ARSB: variants seen among roughly 807,000 people sequenced by gnomAD.
ARSB encodes N-acetylgalactosamine-4-sulfatase.
ARSB carries 41 observed loss-of-function variants against 50.9 expected under a neutral mutation model. The observed-to-expected ratio is 0.81, with a 90% CI of 0.63 to 1.04. ARSB has a LOEUF of 1.04. ARSB is among the 50% of genes least tolerant of loss of function. ARSB has a pLI of 0.00. For synonymous variants in ARSB, 269 were observed against 284.8 expected, an observed-to-expected ratio of 0.94 and a Z score of 0.56; for missense variants, 672 against 693.3, an observed-to-expected ratio of 0.97 and a Z score of 0.35.
intron 4 of ARSB, among the ~76,000 whole-genome samples, chr5:78,939,126 C>T (rs540733466): frequency 1.5e-4 from 23 of 152,306 alleles, no homozygotes; most frequent in African/African-American, 5.5e-4. Flanking sequence ...TTCACTCTTT[C>T]CAGCTCTTTG....
intron 4 of ARSB, among the ~76,000 whole-genome samples, chr5:78,896,464 C>T (rs1748564151): frequency 6.6e-6 from 1 of 152,142 alleles, no homozygotes; most frequent in Non-Finnish European, 1.5e-5. Context: ...GTACTGCGTT[C>T]AGTGACAGGG....
chr5:78,860,454 A>T (rs915822782), intron 5 of ARSB, among the ~76,000 whole-genome samples: 1 of 152,162 alleles, frequency 6.6e-6, no homozygotes, highest in Non-Finnish European at 1.5e-5. Flanking sequence ...GGATTAAGAA[A>T]CTCACTCAAA....
chr5:78,864,520 TGA>T (rs1476680758), intron 5 of ARSB, among the ~76,000 whole-genome samples: 1 of 152,172 alleles, frequency 6.6e-6, no homozygotes, highest in African/African-American at 2.4e-5. Flanking sequence ...CAGTTCCAGA[TGA>T]GATCTGGTGG....
intron 5 of ARSB, among the ~76,000 whole-genome samples, chr5:78,841,156 C>CTAATAATAATAATAATAATAA (rs1491427657): frequency 1.7e-4 from 17 of 102,868 alleles, no homozygotes; most frequent in Admixed American, 3.3e-4. Flanking sequence ...ACTACTACTA[C>CTAATAATAATAATAATAATAA]TACTACTACT....
intron 6 of ARSB, among the ~76,000 whole-genome samples, chr5:78,794,015 C>T (rs961243515): frequency 6.6e-6 from 1 of 152,156 alleles, no homozygotes; most frequent in South Asian, 2.1e-4. Flanking sequence ...CTGTAGAGCC[C>T]GTACATTTAG....
chr5:78,903,152 G>A lies in ARSB; in HGVS notation c.899-17325C>T, dbSNP rs150511359. On this transcript the variant is annotated intron_variant, in intron 4 of 7. Coordinates refer to ENST00000264914, the MANE Select transcript of ARSB (RefSeq NM_000046.5). ...AAAATGATGATGTAACTTCAGAGGG[G>A]GAATAAGCAGTGGGAGAAAGTACAG... 8.6e-4 allele frequency among the ~76,000 whole-genome samples: 131 copies of A among 152,234 alleles called. 1 individual carries two copies. The East Asian group carries it at 0.022, about 26-fold the overall frequency.
rs1325733971 is a variant in ARSB at position 78,849,952 on chromosome 5, A to G, written c.1143-10526T>C. Among the ~76,000 whole-genome samples the G allele has an allele frequency of 2.0e-5, 3 of 151,540 alleles. No homozygotes were observed. The Admixed American group carries it at 2.0e-4, about 10-fold the overall frequency. The stretch of plus-strand genomic sequence containing the variant: ...GCTGAAGTTGCTTATCAGCTTAAGG[A>G]GATTTGGGGCTGAGACGATGGGGTT... On this transcript the variant is annotated intron_variant, in intron 5 of 7. Transcript: ENST00000264914.
At chr5:78,936,294 T>C (rs1201930407) in intron 4 of ARSB, among the ~76,000 whole-genome samples, 1 of 151,258 alleles carries the variant, frequency 6.6e-6, no homozygotes, top group South Asian at 2.1e-4. Context: ...TGGGTTATTT[T>C]TGTATTTTTA....
chr5:78,783,574 A>G (rs1194960739), intron 6 of ARSB: 2 of 152,122 alleles, frequency 1.3e-5, no homozygotes, highest in African/African-American at 2.4e-5. Context: ...ATACAAATGG[A>G]TACTTCTAGT....
At chr5:78,849,559 G>T (rs1392860992) in intron 5 of ARSB, among the ~76,000 whole-genome samples, 1 of 151,864 alleles carries the variant, frequency 6.6e-6, no homozygotes, top group Non-Finnish European at 1.5e-5. Context: ...GCTCTTTTTT[G>T]GTTCCATATG....
chr5:78,879,598 C>T (rs1291040978), intron 5 of ARSB, among the ~76,000 whole-genome samples: 1 of 152,220 alleles, frequency 6.6e-6, no homozygotes, highest in South Asian at 2.1e-4. Context: ...CAAAAACTAC[C>T]ATCATCTCGA....
intron 1 of ARSB, among the ~76,000 whole-genome samples, chr5:78,975,778 T>C (rs1422635168): frequency 6.6e-6 from 1 of 152,236 alleles, no homozygotes; most frequent in Non-Finnish European, 1.5e-5. Flanking sequence ...TGTGTAAAAG[T>C]GCTTCTCACA....
At chr5:78,807,350 T>A (rs1743603395) in intron 6 of ARSB, among the ~76,000 whole-genome samples, 1 of 152,236 alleles carries the variant, frequency 6.6e-6, no homozygotes, top group Non-Finnish European at 1.5e-5. Context: ...GATTTAGTCA[T>A]ATGAAAGTGT....
intron 5 of ARSB, among the ~76,000 whole-genome samples, chr5:78,861,078 G>A (rs1233798407): frequency 6.6e-6 from 1 of 152,156 alleles, no homozygotes; most frequent in Non-Finnish European, 1.5e-5. Context: ...GCTGAATCCT[G>A]AATAGACCAA....
rs1425725676 is a variant in ARSB at position 78,984,914 on chromosome 5, CGGGCGGCGG to C, written c.312+14_312+22del. On this transcript the variant is annotated intron_variant, in intron 1 of 7. Transcript: ENST00000264914. The stretch of plus-strand genomic sequence containing the variant: ...GGCGAAAGGCGGGGCGGGGGCGGCG[CGGGCGGCGG>C]GGGCGCCGCGTACCTGGTAGCGGCC... 40 of 1,305,882 alleles carry C rather than the reference CGGGCGGCGG, an allele frequency of 3.1e-5. No individual in the cohort carries two copies. Among genetic ancestry groups the C allele is most frequent in the East Asian group, 6.3e-5 (2 of 31,772 alleles). 80.9% of individuals were successfully genotyped at this position (1,305,882 alleles called of 1,614,324 possible). A position where few individuals can be genotyped will look rare whatever the true frequency, so the allele number is the denominator to read the frequency against.
chr5:78,841,902 A>T (rs1745232008), intron 5 of ARSB, among the ~76,000 whole-genome samples: 5 of 152,194 alleles, frequency 3.3e-5, no homozygotes, highest in Admixed American at 3.3e-4. Flanking sequence ...TCTACTTTTA[A>T]AATGCACTCA....
At chr5:78,950,942 G>T (rs1016232627) in intron 4 of ARSB, among the ~76,000 whole-genome samples, 1 of 152,180 alleles carries the variant, frequency 6.6e-6, no homozygotes, top group African/African-American at 2.4e-5. Flanking sequence ...GAACACAAGC[G>T]TAGAAATGCA....
chr5:78,895,630 T>C (rs1318422948), intron 4 of ARSB, among the ~76,000 whole-genome samples: 1 of 152,166 alleles, frequency 6.6e-6, no homozygotes, highest in East Asian at 1.9e-4. Context: ...AGAGAGAAAA[T>C]TATTACAGGC....
At chr5:78,952,898 C>T (rs1026922826) in intron 4 of ARSB, among the ~76,000 whole-genome samples, 1 of 152,154 alleles carries the variant, frequency 6.6e-6, no homozygotes, top group Non-Finnish European at 1.5e-5. Flanking sequence ...AATTTTGCTA[C>T]ACCAGTGTTA....
Sources: gnomAD v4.1 joint callset for allele counts (sites outside exome capture counted in the v4.1 genomes callset) on GRCh38, gnomAD v4.1.1 for gene constraint, MANE v1.5 for transcripts, NCBI Gene and HGNC (gene_info 2026-07-23, HGNC 2026-07-21) for gene names.